Variants in DMRT1 observed in about 807,000 individuals in gnomAD.
DMRT1 encodes doublesex and mab-3 related transcription factor 1.
DMRT1 carries 7 observed loss-of-function variants against 32.3 expected under a neutral mutation model. That is an observed-to-expected ratio of 0.22 (90% CI 0.12 to 0.41). DMRT1 has a LOEUF of 0.41. Among genes scored for constraint, DMRT1 ranks in the 10% least tolerant of loss-of-function variants. The pLI is 1.00. For missense variants in DMRT1, 625 were observed against 500.5 expected, an observed-to-expected ratio of 1.25 and a Z score of -2.37; for synonymous variants, 278 against 206.1, an observed-to-expected ratio of 1.35 and a Z score of -2.99.
intron 2 of DMRT1, among the ~76,000 whole-genome samples, chr9:868,237 C>A (rs1490481149): frequency 6.6e-6 from 1 of 152,124 alleles, no homozygotes; most frequent in Non-Finnish European, 1.5e-5. Context: ...TTTCTGCCTC[C>A]CAGAGTGCTG....
chr9:858,488 G>A (rs1219215857), intron 2 of DMRT1, among the ~76,000 whole-genome samples: 1 of 151,958 alleles, frequency 6.6e-6, no homozygotes, highest in Non-Finnish European at 1.5e-5. Context: ...TACTTTTGGA[G>A]TCTTGTGAAT....
At chr9:861,297 T>C (rs1300497381) in intron 2 of DMRT1, among the ~76,000 whole-genome samples, 2 of 152,164 alleles carry the variant, frequency 1.3e-5, no homozygotes, top group Admixed American at 1.3e-4. Flanking sequence ...TTCAAGTATC[T>C]GTTTAACAAA....
intron 2 of DMRT1, among the ~76,000 whole-genome samples, chr9:881,576 A>T (rs1816738333): frequency 6.6e-6 from 1 of 152,184 alleles, no homozygotes; most frequent in African/African-American, 2.4e-5. Context: ...AGAGAGAAAG[A>T]CCCTGATAAA....
chr9:852,549 C>T (rs531317322), intron 2 of DMRT1, among the ~76,000 whole-genome samples: 1 of 152,146 alleles, frequency 6.6e-6, no homozygotes, highest in African/African-American at 2.4e-5. Flanking sequence ...TGACACAGTA[C>T]TTAATGCAAA....
chr9:902,284 T>C (rs1244157717), intron 3 of DMRT1, among the ~76,000 whole-genome samples: 1 of 149,872 alleles, frequency 6.7e-6, no homozygotes, highest in African/African-American at 2.5e-5. Context: ...TATTCAGCAA[T>C]GTAAAAAGTT....
intron 3 of DMRT1, among the ~76,000 whole-genome samples, chr9:897,788 ACCTCAGATCC>A (rs1202085565): frequency 1.4e-4 from 21 of 152,066 alleles, no homozygotes; most frequent in Non-Finnish European, 5.9e-5. Flanking sequence ...TTCGTTAGCT[ACCTCAGATCC>A]CCTTTGTAGC....
chr9:924,424 A>G (rs1183474370), intron 4 of DMRT1, among the ~76,000 whole-genome samples: 1 of 152,128 alleles, frequency 6.6e-6, no homozygotes, highest in Non-Finnish European at 1.5e-5. Flanking sequence ...AACAATAATA[A>G]CACATGTATC....
At chr9:954,738 T>C (rs1028523658) in intron 4 of DMRT1, among the ~76,000 whole-genome samples, 3 of 152,106 alleles carry the variant, frequency 2.0e-5, no homozygotes, top group Middle Eastern at 3.4e-3. Flanking sequence ...GCCTCCCAGG[T>C]TCAAGCAATT....
At chr9:895,769 A>G (rs1012542257) in intron 3 of DMRT1, among the ~76,000 whole-genome samples, 5 of 146,840 alleles carry the variant, frequency 3.4e-5, no homozygotes, top group African/African-American at 1.0e-4. Flanking sequence ...TGTATGTTAG[A>G]TTCCCAGAAT....
At chr9:855,681 G>A (rs1403841720) in intron 2 of DMRT1, among the ~76,000 whole-genome samples, 8 of 152,188 alleles carry the variant, frequency 5.3e-5, no homozygotes, top group Admixed American at 1.3e-4. Context: ...ATGCAGTGGT[G>A]CCATCTTGGC....
At position 841,785 on chromosome 9, in the gene DMRT1, C is replaced by T. The variant is rs144122237; in HGVS notation, c.-54C>T. On this transcript the variant is annotated 5_prime_UTR_variant, in exon 1 of 5. Coordinates refer to ENST00000382276, the MANE Select transcript of DMRT1 (RefSeq NM_021951.3). ...TGTCCGTCGGGTTCATCCCTCGCAG[C>T]AGTCTCCAGGCGAGAGAGGGGGCCA... 7.3e-4 allele frequency: 1,139 copies of T among 1,565,044 alleles called. 7 individuals are homozygous for T. In the African/African-American group the frequency reaches 0.013, roughly 18 times the overall value.
chr9:850,648 G>A (rs1037044502), intron 2 of DMRT1, among the ~76,000 whole-genome samples: 1 of 152,120 alleles, frequency 6.6e-6, no homozygotes, highest in African/African-American at 2.4e-5. Context: ...TTAATATAGT[G>A]GAAGTATGTT....
intron 2 of DMRT1, among the ~76,000 whole-genome samples, chr9:860,332 A>G (rs988123466): frequency 2.3e-4 from 35 of 152,052 alleles, no homozygotes; most frequent in African/African-American, 8.2e-4. Context: ...AAAATAAAAT[A>G]CACAAAATAC....
chr9:854,680 T>C (rs1815311976), intron 2 of DMRT1, among the ~76,000 whole-genome samples: 1 of 124,664 alleles, frequency 8.0e-6, no homozygotes. Context: ...GGAAATGATA[T>C]TAGATTAAGA....
chr9:951,616 T>C (rs1260685846), intron 4 of DMRT1, among the ~76,000 whole-genome samples: 1 of 152,146 alleles, frequency 6.6e-6, no homozygotes, highest in Non-Finnish European at 1.5e-5. Flanking sequence ...ATGTACCTCT[T>C]GGGTAAATTA....
chr9:858,221 G>A (rs936850449), intron 2 of DMRT1, among the ~76,000 whole-genome samples: 5 of 152,154 alleles, frequency 3.3e-5, no homozygotes, highest in Non-Finnish European at 7.3e-5. Context: ...TGGGAAGAGG[G>A]CAGTTCACAA....
At chr9:877,620 A>G (rs962157643) in intron 2 of DMRT1, among the ~76,000 whole-genome samples, 2 of 152,246 alleles carry the variant, frequency 1.3e-5, no homozygotes, top group African/African-American at 4.8e-5. Flanking sequence ...TTCCAAAAAA[A>G]GAAGCTAAAT....
intron 2 of DMRT1, among the ~76,000 whole-genome samples, chr9:869,402 G>A (rs934447814): frequency 1.3e-5 from 2 of 152,194 alleles, no homozygotes; most frequent in African/African-American, 4.8e-5. Context: ...TCTCCTAGCT[G>A]TTCTCCGTAG....
intron 4 of DMRT1, among the ~76,000 whole-genome samples, chr9:945,523 A>G (rs988955036): frequency 6.6e-6 from 1 of 152,222 alleles, no homozygotes; most frequent in Non-Finnish European, 1.5e-5. Flanking sequence ...AACTTGCTAC[A>G]CTGCTATTTT....
Sources: allele counts gnomAD v4.1 joint callset (sites outside exome capture counted in the v4.1 genomes callset), GRCh38; gene constraint gnomAD v4.1.1; transcripts MANE v1.5; gene names NCBI Gene and HGNC (gene_info 2026-07-23, HGNC 2026-07-21).